HDAC4: variants seen among roughly 807,000 people sequenced by gnomAD.
HDAC4 encodes histone deacetylase 4.
Under a neutral mutation model 135.1 loss-of-function variants are expected in HDAC4, and 16 were observed. The ratio of observed to expected loss-of-function variants is 0.12; its 90% confidence interval spans 0.08 to 0.18. The LOEUF (loss-of-function observed/expected upper bound fraction) is 0.18. Ranked by LOEUF, HDAC4 falls within the 10% of genes least tolerant of loss-of-function variation. The pLI is 1.00. For synonymous variants in HDAC4, 685 were observed against 653.4 expected (o/e 1.05, Z -0.74); for missense variants, 1,143 against 1,511.8 (o/e 0.76, Z 4.05).
intron 2 of HDAC4, among the ~76,000 whole-genome samples, chr2:239,300,158 G>A (rs542367739): frequency 7.2e-5 from 11 of 152,096 alleles, no homozygotes; most frequent in Non-Finnish European, 1.5e-4. Flanking sequence ...GCTGGCCCAG[G>A]CTGTGCGCTG....
At position 239,109,700 on chromosome 2, in the gene HDAC4, C is replaced by A. The variant is rs3791413; in HGVS notation, c.1979-1517G>T. ...ATCAGTACACTGTGTGTGGGCATGG[C>A]TGTGCTTGGGAGTTTGTAATGGCAA... On this transcript the variant is annotated intron_variant, in intron 14 of 26. Coordinates refer to ENST00000543185, the MANE Select transcript of HDAC4 (RefSeq NM_001378414.1). Among the ~76,000 whole-genome samples, 218 of 152,084 alleles carry A rather than the reference C, an allele frequency of 1.4e-3. 1 individual carries two copies. The highest frequency in any genetic ancestry group is 0.01 in the Admixed American group (159 of 15,282).
chr2:239,378,690 ACCCGGGAACCAATAAC>A (rs1559396215), intron 1 of HDAC4, among the ~76,000 whole-genome samples: 2 of 125,110 alleles, frequency 1.6e-5, no homozygotes, highest in Non-Finnish European at 3.9e-5. Flanking sequence ...GAACCAATGA[ACCCGGGAACCAATAAC>A]CCCGGGAACC....
chr2:239,392,881 C>T (rs1696321697), intron 1 of HDAC4, among the ~76,000 whole-genome samples: 1 of 152,230 alleles, frequency 6.6e-6, no homozygotes, highest in South Asian at 2.1e-4. Flanking sequence ...TGGGCTCAGC[C>T]TCAGACCCGG....
At chr2:239,358,627 T>G (rs1693669936) in intron 1 of HDAC4, among the ~76,000 whole-genome samples, 1 of 152,222 alleles carries the variant, frequency 6.6e-6, no homozygotes, top group African/African-American at 2.4e-5. Flanking sequence ...CCTCAGTATC[T>G]CTGTATGAGT....
chr2:239,170,858 G>A (rs941940268), intron 5 of HDAC4, among the ~76,000 whole-genome samples: 2 of 152,108 alleles, frequency 1.3e-5, no homozygotes, highest in Admixed American at 6.5e-5. Flanking sequence ...CACAAAAACT[G>A]AGGAAAATTA....
intron 2 of HDAC4, among the ~76,000 whole-genome samples, chr2:239,337,263 G>A (rs1435394199): frequency 2.0e-5 from 3 of 152,156 alleles, no homozygotes; most frequent in African/African-American, 4.8e-5. Context: ...TCAGATGCAC[G>A]TGAGACTCAG....
At chr2:239,357,733 A>T (rs1559382475) in intron 1 of HDAC4, among the ~76,000 whole-genome samples, 1 of 151,160 alleles carries the variant, frequency 6.6e-6, no homozygotes, top group African/African-American at 2.4e-5. Context: ...AAAATAATAA[A>T]AAAAAATAAG....
intron 1 of HDAC4, among the ~76,000 whole-genome samples, chr2:239,389,504 G>A (rs925157217): frequency 6.6e-6 from 1 of 152,168 alleles, no homozygotes; most frequent in Non-Finnish European, 1.5e-5. Flanking sequence ...GCAAAGGTCT[G>A]CAGCTTCATT....
intron 3 of HDAC4, among the ~76,000 whole-genome samples, chr2:239,198,261 G>A (rs1042115552): frequency 6.6e-6 from 1 of 152,184 alleles, no homozygotes; most frequent in Non-Finnish European, 1.5e-5. Flanking sequence ...GTGGAGGCAC[G>A]AAAACCACCT....
chr2:239,247,750 C>A (rs780776057), intron 2 of HDAC4, among the ~76,000 whole-genome samples: 1 of 152,202 alleles, frequency 6.6e-6, no homozygotes, highest in Non-Finnish European at 1.5e-5. Flanking sequence ...ACAATAAACT[C>A]AAAGTGGCCA....
intron 3 of HDAC4, among the ~76,000 whole-genome samples, chr2:239,225,971 T>C (rs1049396778): frequency 6.6e-6 from 1 of 151,968 alleles, no homozygotes; most frequent in South Asian, 2.1e-4. Flanking sequence ...AACATGACAT[T>C]AGGGTCAAAT....
At chr2:239,175,491 A>G (rs141600882) in intron 5 of HDAC4, among the ~76,000 whole-genome samples, 1 of 152,342 alleles carries the variant, frequency 6.6e-6, no homozygotes, top group Non-Finnish European at 1.5e-5. Flanking sequence ...CCAAAGTGGG[A>G]AACAGCAAAT....
chr2:239,066,454 A>G (rs1209059252), intron 24 of HDAC4, among the ~76,000 whole-genome samples: 1 of 152,260 alleles, frequency 6.6e-6, no homozygotes, highest in Middle Eastern at 3.2e-3. Context: ...GAAAGGGTGC[A>G]GTCGCACCGC....
chr2:239,345,936 A>AAC (rs921864801), intron 2 of HDAC4, among the ~76,000 whole-genome samples: 9 of 145,364 alleles, frequency 6.2e-5, no homozygotes, highest in South Asian at 2.2e-4. Flanking sequence ...CACTCTAACA[A>AAC]ACACACACAT....
At chr2:239,377,053 G>C (rs1013984834) in intron 1 of HDAC4, among the ~76,000 whole-genome samples, 2 of 152,046 alleles carry the variant, frequency 1.3e-5, no homozygotes, top group African/African-American at 4.8e-5. Context: ...CACCTTACCC[G>C]TGAGCGTGCT....
intron 2 of HDAC4, among the ~76,000 whole-genome samples, chr2:239,319,524 G>T (rs572725454): frequency 1.3e-5 from 2 of 152,226 alleles, no homozygotes; most frequent in Admixed American, 6.5e-5. Context: ...CGGTGTGGCC[G>T]TGCTGGAGGT....
intron 5 of HDAC4, among the ~76,000 whole-genome samples, chr2:239,164,675 G>A (rs1307447928): frequency 1.3e-5 from 2 of 152,206 alleles, no homozygotes; most frequent in African/African-American, 2.4e-5. Context: ...TCTTCCTAGT[G>A]TTGCATAATA....
chr2:239,367,288 C>T (rs978916276), intron 1 of HDAC4, among the ~76,000 whole-genome samples: 4 of 152,076 alleles, frequency 2.6e-5, no homozygotes, highest in Non-Finnish European at 2.9e-5. Context: ...ATACTGTCGC[C>T]ATTAAGCCAC....
At chr2:239,098,759 C>CA in intron 16 of HDAC4, among the ~76,000 whole-genome samples, 1 of 152,188 alleles carries the variant, frequency 6.6e-6, no homozygotes, top group East Asian at 1.9e-4. Context: ...GTTATGTTCA[C>CA]AAAACTCAAG....
Sources: allele counts gnomAD v4.1 joint callset (sites outside exome capture counted in the v4.1 genomes callset), GRCh38; gene constraint gnomAD v4.1.1; transcripts MANE v1.5; gene names NCBI Gene and HGNC (gene_info 2026-07-23, HGNC 2026-07-21).